Variants in TNR observed in about 807,000 individuals in gnomAD.
TNR encodes the protein tenascin R, also known as tenascin-R.
TNR carries 45 observed loss-of-function variants against 150.4 expected under a neutral mutation model. The ratio of observed to expected loss-of-function variants is 0.30; its 90% CI spans 0.24 to 0.38. The LOEUF (loss-of-function observed/expected upper bound fraction) is 0.38, where lower values mean the gene tolerates loss of function less well. Among genes scored for constraint, TNR ranks in the 10% least tolerant of loss-of-function variants. The pLI, the probability that TNR is intolerant of heterozygous loss-of-function variation, is 1.00. For synonymous variants in TNR, 687 were observed against 678.4 expected, an observed-to-expected ratio of 1.01 and a Z score of -0.20; for missense variants, 1,544 against 1,759.1, an observed-to-expected ratio of 0.88 and a Z score of 2.19.
At chr1:175,456,958 T>C in intron 2 of TNR, among the ~76,000 whole-genome samples, 1 of 152,252 alleles carries the variant, frequency 6.6e-6, no homozygotes, top group African/African-American at 2.4e-5. Flanking sequence ...CCAATTGCTG[T>C]GGGGGGCATT....
intron 2 of TNR, among the ~76,000 whole-genome samples, chr1:175,518,827 T>C (rs1446899572): frequency 6.6e-6 from 1 of 152,194 alleles, no homozygotes; most frequent in East Asian, 1.9e-4. Flanking sequence ...AGCTTTTCAA[T>C]TACAGGTCCA....
At chr1:175,326,312 A>G (rs1371059886) in intron 21 of TNR, among the ~76,000 whole-genome samples, 1 of 152,124 alleles carries the variant, frequency 6.6e-6, no homozygotes, top group African/African-American at 2.4e-5. Flanking sequence ...TGAATGAAAG[A>G]GGTCTTGGGT....
chr1:175,567,758 C>T (rs1405601862), intron 1 of TNR, among the ~76,000 whole-genome samples: 1 of 152,124 alleles, frequency 6.6e-6, no homozygotes, highest in East Asian at 1.9e-4. Context: ...GAAGTAGGGG[C>T]TTTCTAAGCA....
intron 2 of TNR, among the ~76,000 whole-genome samples, chr1:175,504,487 C>T (rs1315411469): frequency 6.6e-6 from 1 of 152,190 alleles, no homozygotes; most frequent in Non-Finnish European, 1.5e-5. Flanking sequence ...CTCCGTCCTT[C>T]ACCCTCACCC....
chr1:175,480,589 T>C (rs1657760017), intron 2 of TNR, among the ~76,000 whole-genome samples: 1 of 152,222 alleles, frequency 6.6e-6, no homozygotes, highest in Admixed American at 6.5e-5. Context: ...ACTGCTAACA[T>C]TATGCCCAGC....
intron 1 of TNR, among the ~76,000 whole-genome samples, chr1:175,543,236 G>A (rs1310398284): frequency 6.6e-6 from 1 of 152,174 alleles, no homozygotes; most frequent in Non-Finnish European, 1.5e-5. Context: ...GCAGAAAAGA[G>A]TGACTGAGCT....
chr1:175,485,791 G>A (rs773440822), intron 2 of TNR, among the ~76,000 whole-genome samples: 66 of 152,318 alleles, frequency 4.3e-4, no homozygotes, highest in Non-Finnish European at 7.8e-4. Flanking sequence ...CGGCGAGCTT[G>A]CAATGGCTCA....
rs79247808 is a variant in TNR at position 175,588,481 on chromosome 1, G to T, written c.-164-60112C>A. On this transcript the variant is annotated intron_variant, in intron 1 of 22. Transcript: ENST00000367674. ...AAAAGACCATAGCATCATAGTAGCTGCTGGGATTATCACAATCATCTAGAC... is the reference window on the plus strand; with the variant it reads ...AAAAGACCATAGCATCATAGTAGCTTCTGGGATTATCACAATCATCTAGAC... 9.2e-3 allele frequency among the ~76,000 whole-genome samples: 1,398 copies of T among 152,288 alleles called. 25 individuals are homozygous for T. The highest frequency in any genetic ancestry group is 0.031 in the African/African-American group (1,275 of 41,556).
rs57439733 is a variant in TNR, at chr1:175,331,078, C to CTTTCT, written c.3632-844_3632-843insAGAAA. On this transcript the variant is annotated intron_variant, in intron 20 of 22. Transcript: ENST00000367674. ...CTTTCTTTCTTTCTTTCTTTCTTTC[C>CTTTCT]TTCTTTCTTTCTTTCTTTCTTTCTC... Among the ~76,000 whole-genome samples the CTTTCT allele has an allele frequency of 3.7e-4, 22 of 59,892 alleles. 1 individual carries two copies. The highest frequency in any genetic ancestry group is 5.7e-4 in the South Asian group (1 of 1,742). The allele number at this position is 59,892 out of a possible 152,430, so 39.3% of individuals were successfully genotyped here.
chr1:175,618,488 A>T (rs563554610), intron 1 of TNR, among the ~76,000 whole-genome samples: 1 of 152,164 alleles, frequency 6.6e-6, no homozygotes, highest in Non-Finnish European at 1.5e-5. Context: ...ATTGGCAGCC[A>T]CTTAGCTGCT....
chr1:175,548,045 G>T (rs1378211147), intron 1 of TNR, among the ~76,000 whole-genome samples: 1 of 152,206 alleles, frequency 6.6e-6, no homozygotes, highest in African/African-American at 2.4e-5. Context: ...AAGAGACCTG[G>T]TGGGGAGCTG....
intron 1 of TNR, among the ~76,000 whole-genome samples, chr1:175,643,762 T>C (rs1218383069): frequency 1.3e-5 from 2 of 152,196 alleles, no homozygotes; most frequent in African/African-American, 4.8e-5. Context: ...TCATAATATC[T>C]ATTCAATATT....
chr1:175,650,763 C>CG (rs1664940728), intron 1 of TNR, among the ~76,000 whole-genome samples: 2 of 1,946 alleles, frequency 1.0e-3, no homozygotes, highest in Non-Finnish European at 1.9e-3. Flanking sequence ...CCTGATTACT[C>CG]CTCCTCCCCG....
intron 1 of TNR, among the ~76,000 whole-genome samples, chr1:175,561,979 A>G (rs894883013): frequency 6.6e-6 from 1 of 152,138 alleles, no homozygotes; most frequent in South Asian, 2.1e-4. Flanking sequence ...CCCCTTTCTG[A>G]AGCAAACTTC....
At chr1:175,330,871 C>G (rs1435439562) in intron 20 of TNR, among the ~76,000 whole-genome samples, 1 of 152,216 alleles carries the variant, frequency 6.6e-6, no homozygotes, top group Non-Finnish European at 1.5e-5. Flanking sequence ...CCTTTTCAGC[C>G]AGTTACCCTC....
intron 3 of TNR, among the ~76,000 whole-genome samples, chr1:175,405,118 C>A (rs1020311852): frequency 6.6e-6 from 1 of 152,168 alleles, no homozygotes; most frequent in South Asian, 2.1e-4. Flanking sequence ...GAACTCAAGA[C>A]AAATGCCTCT....
chr1:175,711,928 C>T (rs2101936761), intron 1 of TNR, among the ~76,000 whole-genome samples: 1 of 152,258 alleles, frequency 6.6e-6, no homozygotes, highest in African/African-American at 2.4e-5. Flanking sequence ...ATTAGACATT[C>T]AGGTGAAAAT....
chr1:175,733,874 A>C (rs1457258010), intron 1 of TNR, among the ~76,000 whole-genome samples: 1 of 152,142 alleles, frequency 6.6e-6, no homozygotes, highest in East Asian at 1.9e-4. Context: ...TTCCCAGGGA[A>C]ACCATGCCCT....
chr1:175,678,447 A>G (rs1410168511), intron 1 of TNR, among the ~76,000 whole-genome samples: 7 of 152,192 alleles, frequency 4.6e-5, no homozygotes, highest in Non-Finnish European at 7.3e-5. Flanking sequence ...TCCCAGTCAC[A>G]TGGGCCAGTC....
Sources: gnomAD v4.1 joint callset for allele counts (sites outside exome capture counted in the v4.1 genomes callset) on GRCh38, gnomAD v4.1.1 for gene constraint, MANE v1.5 for transcripts, NCBI Gene and HGNC (gene_info 2026-07-23, HGNC 2026-07-21) for gene names.